LRRC37B: variants seen among roughly 807,000 people sequenced by gnomAD.
The protein encoded by LRRC37B is leucine-rich repeat-containing protein 37B.
A neutral mutation model predicts 98.3 loss-of-function variants in LRRC37B; 28 were observed. That is an observed-to-expected ratio of 0.28 (90% CI 0.21 to 0.39). The LOEUF (loss-of-function observed/expected upper bound fraction) is 0.39. Among genes scored for constraint, LRRC37B ranks in the 10% least tolerant of loss-of-function variants. LRRC37B has a pLI of 1.00. For missense variants in LRRC37B, 938 were observed against 1,182.7 expected, an observed-to-expected ratio of 0.79 and a Z score of 3.03; for synonymous variants, 364 against 442.7, an observed-to-expected ratio of 0.82 and a Z score of 2.23.
At chr17:32,021,028 T>G (rs1305450330) in exon 1 of LRRC37B, 1 of 1,587,802 alleles carries the variant, frequency 6.3e-7, no homozygotes, top group East Asian at 2.2e-5. Flanking sequence ...CCAAGCCTAA[T>G]AAAGGTGACA....
At chr17:32,038,436 G>A (rs191221332) in intron 7 of LRRC37B, among the ~76,000 whole-genome samples, 1 of 152,250 alleles carries the variant, frequency 6.6e-6, no homozygotes, top group East Asian at 1.9e-4. Context: ...TCCAGCCTGG[G>A]TCACAGAGTG....
At chr17:32,052,970 T>TG (rs11318580) in intron 11 of LRRC37B, 6,690 of 258,180 alleles carry the variant, frequency 0.026, 187 homozygotes, top group African/African-American at 0.088. Context: ...ATAAAGTATA[T>TG]GGGGGGGGGT....
chr17:32,024,313 G>A (rs1169975141), intron 1 of LRRC37B, among the ~76,000 whole-genome samples: 5 of 152,146 alleles, frequency 3.3e-5, no homozygotes, highest in African/African-American at 1.2e-4. Context: ...GCCTGGCATG[G>A]GGTTTCTTTC....
intron 5 of LRRC37B, among the ~76,000 whole-genome samples, chr17:32,031,780 G>T (rs1911117592): frequency 1.3e-5 from 2 of 151,494 alleles, no homozygotes; most frequent in African/African-American, 2.4e-5. Flanking sequence ...GAGGGGGGCG[G>T]ATCACCTGAG....
rs532667868 is a variant in LRRC37B, at chr17:32,022,956, C to T, written c.1760+131C>T. 2.8e-5 allele frequency: 23 copies of T among 830,646 alleles called. No homozygotes were observed. In the East Asian group the frequency reaches 4.1e-4, roughly 15 times the overall value. The allele number at this position is 830,646 out of a possible 1,614,324, so 51.5% of individuals were successfully genotyped here. On this transcript the variant is annotated intron_variant, in intron 1 of 11. Transcript: ENST00000327564. The stretch of plus-strand genomic sequence containing the variant: ...AGTGACTTTCTGCTTTCACCTTTGC[C>T]TGTCAATTCTCCCTTCTCCTCATTC...
chr17:32,040,715 G>C (rs764301421), intron 7 of LRRC37B: 49 of 786,538 alleles, frequency 6.2e-5, no homozygotes, highest in Middle Eastern at 2.6e-4. Flanking sequence ...GCGAGTGCCT[G>C]ATCCGCCACC....
chr17:32,049,839 G>T (rs1024748606), intron 10 of LRRC37B, among the ~76,000 whole-genome samples, 164 bp from the exon 14 acceptor site: 2 of 151,816 alleles, frequency 1.3e-5, no homozygotes, highest in African/African-American at 4.8e-5. Flanking sequence ...CTGTACTCCC[G>T]CCTGGGTGAC....
At chr17:32,013,412 A>G (rs142684689) in intron 1 of LRRC37B, among the ~76,000 whole-genome samples, 216 of 152,250 alleles carry the variant, frequency 1.4e-3, no homozygotes, top group African/African-American at 4.8e-3. Flanking sequence ...ATTTAATACG[A>G]TTGATAATGA....
intron 5 of LRRC37B, among the ~76,000 whole-genome samples, chr17:32,032,443 G>GT: frequency 1.3e-5 from 2 of 152,148 alleles, no homozygotes; most frequent in South Asian, 2.1e-4. Flanking sequence ...CTCTTCTACC[G>GT]TAAGTGCAAA....
chr17:32,032,442 C>T (rs1011167104), intron 5 of LRRC37B, among the ~76,000 whole-genome samples: 8 of 152,078 alleles, frequency 5.3e-5, no homozygotes, highest in South Asian at 2.1e-4. Context: ...ACTCTTCTAC[C>T]GTAAGTGCAA....
chr17:32,052,367 A>T (rs1911783564), intron 11 of LRRC37B: 1 of 152,028 alleles, frequency 6.6e-6, no homozygotes, highest in South Asian at 2.1e-4. Flanking sequence ...TAGAGACAAG[A>T]TCTTGCTATG....
At chr17:32,039,522 ATG>A (rs67797645) in intron 7 of LRRC37B, among the ~76,000 whole-genome samples, 1,794 of 10,684 alleles carry the variant, frequency 0.17, 26 homozygotes, top group Non-Finnish European at 0.17. Flanking sequence ...ATATATATAT[ATG>A]TATGTATTTT....
In LRRC37B at chr17:32,021,484, C is replaced by T. The variant is rs201217119; in HGVS notation, c.419C>T (p.Pro140Leu). 1.8e-5 allele frequency: 29 copies of T among 1,614,102 alleles called. No homozygotes were observed. The South Asian group carries it at 2.2e-4, about 12-fold the overall frequency. Residue 140 changes from proline (P) to leucine (L), a missense_variant, in exon 1 of 12, where the codon CCG (proline) becomes CTG (leucine). Pro to Leu is a moderately conservative substitution (Grantham distance 98, BLOSUM62 -3). Transcript: ENST00000327564. Reference sequence around the variant, plus strand: ...GGAGAGCTGCCCCTGGGGCCAGAGCCGTTCTTGGCTGCACATCAGGACTTA... The same window carrying T: ...GGAGAGCTGCCCCTGGGGCCAGAGCTGTTCTTGGCTGCACATCAGGACTTA...
exon 1 of LRRC37B, chr17:32,021,172 C>T: frequency 2.5e-6 from 4 of 1,613,604 alleles, no homozygotes; most frequent in Non-Finnish European, 3.4e-6. Flanking sequence ...TTCTGGGGCC[C>T]ATGGCCCCTC....
chr17:32,009,627 A>T (rs993137933), intron 1 of LRRC37B, among the ~76,000 whole-genome samples: 1 of 150,060 alleles, frequency 6.7e-6, no homozygotes, highest in African/African-American at 2.5e-5. Flanking sequence ...CTTTATTGTT[A>T]TTCTTCTTTT....
chr17:32,041,353 G>A (rs751762979), intron 7 of LRRC37B: 89 of 754,854 alleles, frequency 1.2e-4, no homozygotes, highest in South Asian at 7.5e-4. Context: ...CAGCCAAGCT[G>A]CAAGGTGCTG....
At chr17:32,045,860 A>C (rs756206240) in intron 8 of LRRC37B, 42 bp downstream of exon 11, 2 of 1,563,412 alleles carry the variant, frequency 1.3e-6, no homozygotes, top group South Asian at 1.2e-5. Flanking sequence ...ACATTATTTT[A>C]AGTATTTGTT....
chr17:32,036,609 G>T (rs1911250666), intron 7 of LRRC37B, among the ~76,000 whole-genome samples: 1 of 152,092 alleles, frequency 6.6e-6, no homozygotes. Context: ...TTTGGTATCT[G>T]CAGGGGGTCC....
chr17:32,046,599 CTTT>C (rs796570580), intron 8 of LRRC37B, among the ~76,000 whole-genome samples: 4 of 132,858 alleles, frequency 3.0e-5, no homozygotes, highest in African/African-American at 5.4e-5. Flanking sequence ...TTCTTTTTTT[CTTT>C]TTTTTTTTTT....
Sources: gnomAD v4.1 joint callset for allele counts (sites outside exome capture counted in the v4.1 genomes callset) on GRCh38, gnomAD v4.1.1 for gene constraint, MANE v1.5 for transcripts, NCBI Gene and HGNC (gene_info 2026-07-23, HGNC 2026-07-21) for gene names.